DDX6: variants seen among roughly 807,000 people sequenced by gnomAD.
The protein encoded by DDX6 is probable ATP-dependent RNA helicase DDX6.
Under a neutral mutation model 60.6 loss-of-function variants are expected in DDX6, and 7 were observed. The ratio of observed to expected loss-of-function variants is 0.12; its 90% CI spans 0.07 to 0.22. The LOEUF (loss-of-function observed/expected upper bound fraction) is 0.22. Ranked by LOEUF, DDX6 falls within the 10% of genes least tolerant of loss-of-function variation. The probability of loss-of-function intolerance (pLI) is 1.00; values close to 1 mark genes in which losing one functional copy is unlikely to be tolerated. For missense variants in DDX6, 270 were observed against 589.9 expected (o/e 0.46, Z 5.62); for synonymous variants, 207 against 201.0 (o/e 1.03, Z -0.25).
intron 4 of DDX6, among the ~76,000 whole-genome samples, chr11:118,776,699 G>T (rs1555163666): frequency 6.6e-6 from 1 of 151,998 alleles, no homozygotes; most frequent in African/African-American, 2.4e-5. Flanking sequence ...CGGGTGCTGT[G>T]GTGCACGCCT....
At chr11:118,762,906 AT>A (rs1435975766) in intron 7 of DDX6, among the ~76,000 whole-genome samples, 67 of 152,360 alleles carry the variant, frequency 4.4e-4, no homozygotes, top group Non-Finnish European at 2.2e-4. Flanking sequence ...GCTTTTAAAA[AT>A]TAATCACAGA....
At chr11:118,753,749 G>A (rs1267615375) in intron 13 of DDX6, among the ~76,000 whole-genome samples, 1 of 152,102 alleles carries the variant, frequency 6.6e-6, no homozygotes, top group Non-Finnish European at 1.5e-5. Flanking sequence ...TAGAAATTAA[G>A]AGTAAATGCT....
intron 1 of DDX6, chr11:118,788,987 TTA>T (rs1455078036): frequency 1.3e-5 from 2 of 152,104 alleles, no homozygotes; most frequent in African/African-American, 4.8e-5. Context: ...GGCTGAAATC[TTA>T]CTTTTAATTG....
At position 118,758,837 on chromosome 11, in the gene DDX6, G is replaced by A. The variant is rs782361531; in HGVS notation, c.930C>T (p.Thr310=). Residue 310 remains threonine (T), a synonymous_variant, in exon 9 of 14, where the codon ACC becomes ACT. Coordinates refer to ENST00000534980, the MANE Select transcript of DDX6 (RefSeq NM_004397.6). Reference sequence around the variant, plus strand: ...GCTCAGTTACATATGCGTAGTACTGGGTTACTCCCTTCAGAGTTAGTTCCT... The same window carrying A: ...GCTCAGTTACATATGCGTAGTACTGAGTTACTCCCTTCAGAGTTAGTTCCT... ...LMEELTLKGV[T]QYYAYVTERQ... 13 of 1,613,794 alleles carry A rather than the reference G, an allele frequency of 8.1e-6. No homozygotes were observed. The highest frequency in any genetic ancestry group is 1.1e-5 in the Non-Finnish European group (13 of 1,179,806).
At chr11:118,782,916 C>T (rs140586560) in intron 2 of DDX6, among the ~76,000 whole-genome samples, 2 of 152,184 alleles carry the variant, frequency 1.3e-5, no homozygotes, top group African/African-American at 4.8e-5. Flanking sequence ...AGGCGTGAGC[C>T]ACCTCACCCG....
intron 4 of DDX6, among the ~76,000 whole-genome samples, chr11:118,770,457 T>A (rs1165363796): frequency 6.6e-6 from 1 of 152,196 alleles, no homozygotes; most frequent in Admixed American, 6.5e-5. Flanking sequence ...CCTTTAAAGC[T>A]GCTATTGGTA....
In DDX6 at chr11:118,771,751, G is replaced by C. The variant is rs1591909058; in HGVS notation, c.370-3399C>G. Among the ~76,000 whole-genome samples the C allele has an allele frequency of 3.9e-5, 6 of 152,342 alleles. 1 individual carries two copies. The South Asian group carries it at 1.2e-3, about 32-fold the overall frequency. On this transcript the variant is annotated intron_variant, in intron 4 of 13. Coordinates refer to ENST00000534980, the MANE Select transcript of DDX6 (RefSeq NM_004397.6). ...GGATTAGTTTGCCCAAGGTCACAAA[G>C]CAAGAAATGCTTTAGCCAGTATTTG...
chr11:118,789,964 G>C (rs541461232), intron 1 of DDX6: 1 of 152,262 alleles, frequency 6.6e-6, no homozygotes, highest in African/African-American at 2.4e-5. Flanking sequence ...AAGAAACGTA[G>C]ACTAGTTGGG....
chr11:118,778,408 C>G (rs1488859382), intron 4 of DDX6, among the ~76,000 whole-genome samples: 1 of 152,100 alleles, frequency 6.6e-6, no homozygotes, highest in Admixed American at 6.6e-5. Context: ...CCTTTAGCAT[C>G]CCCCCATTGA....
chr11:118,772,398 C>CA (rs1363761865), intron 4 of DDX6, among the ~76,000 whole-genome samples: 3 of 151,438 alleles, frequency 2.0e-5, no homozygotes, highest in East Asian at 1.9e-4. Context: ...AAGCCAGTCA[C>CA]AAAAAAAACA....
At chr11:118,790,223 A>G (rs1784295) in intron 1 of DDX6, 130,855 of 151,996 alleles carry the variant, frequency 0.86, 56,547 homozygotes, top group East Asian at 1. Flanking sequence ...CGTAACTGAA[A>G]GGAAATTTCT....
In DDX6 at chr11:118,765,752, C is replaced by T. The variant is rs575308990; in HGVS notation, c.500-397G>A. 7.4e-5 allele frequency among the ~76,000 whole-genome samples: 11 copies of T among 148,096 alleles called. No homozygotes were observed. In the South Asian group the frequency reaches 2.4e-3, roughly 32 times the overall value. On this transcript the variant is annotated intron_variant, in intron 5 of 13. Coordinates refer to ENST00000534980, the MANE Select transcript of DDX6 (RefSeq NM_004397.6). ...TCGCGCCACTGCACTCCAGCCTGGG[C>T]GACAGAGTGAGACTCAGTCTCAAAA...
rs1409107695 is a variant in DDX6 at position 118,748,623 on chromosome 11, TAGA to T, written c.*3479_*3481del. 9 of 152,322 alleles carry T rather than the reference TAGA, an allele frequency of 5.9e-5. No homozygotes were observed. The South Asian group carries it at 1.0e-3, about 18-fold the overall frequency. 9.4% of individuals were successfully genotyped at this position (152,322 alleles called of 1,614,324 possible). On this transcript the variant is annotated 3_prime_UTR_variant, in exon 14 of 14. Coordinates refer to ENST00000534980, the MANE Select transcript of DDX6 (RefSeq NM_004397.6). ...TTATTTCATTTTTTTGTTACTCATC[TAGA>T]AGGTCAGGAGTGTGGCTAAAGGCAG...
chr11:118,754,736 C>G lies in DDX6; in HGVS notation c.1428G>C (p.Glu476Asp). The change falls in exon 13 of 14, where the codon GAG (glutamate) becomes GAC (aspartate). Residue 476 changes from glutamate to aspartate, a missense_variant. Transcript: ENST00000534980. The part of the protein sequence containing the change: ...KSLYVAEYHS[E>D]PVEDEKP ...GTTAAGGTTTCTCATCTTCTACAGG[C>G]TCGCTGTGGTATTCTGCCACATACA... 1 of 1,611,788 alleles carries G rather than the reference C, an allele frequency of 6.2e-7. No homozygotes were observed. The highest frequency in any genetic ancestry group is 8.5e-7 in the Non-Finnish European group (1 of 1,179,300).
chr11:118,781,283 G>A (rs782102756), intron 2 of DDX6, 99 bp from the exon 3 acceptor site: 5 of 712,476 alleles, frequency 7.0e-6, no homozygotes, highest in African/African-American at 3.6e-5. Context: ...AGCACAGTAA[G>A]TTTAATATAT....
chr11:118,762,305 AC>A (rs1861202690), intron 7 of DDX6, among the ~76,000 whole-genome samples: 3 of 144,820 alleles, frequency 2.1e-5, no homozygotes, highest in East Asian at 2.0e-4. Flanking sequence ...ATAATAATAA[AC>A]CTCAACCCAA....
chr11:118,771,380 C>A (rs536562861), intron 4 of DDX6, among the ~76,000 whole-genome samples: 2 of 152,186 alleles, frequency 1.3e-5, no homozygotes, highest in African/African-American at 4.8e-5. Flanking sequence ...GGGATTATAC[C>A]CTACAAAAAC....
intron 11 of DDX6, 139 bp from the exon 12 acceptor site, chr11:118,755,642 C>T (rs1363532740): frequency 5.2e-6 from 3 of 579,946 alleles, no homozygotes; most frequent in Admixed American, 3.0e-5. Flanking sequence ...ACTGGCATTA[C>T]CTTTCATAAT....
intron 7 of DDX6, among the ~76,000 whole-genome samples, chr11:118,761,136 G>A (rs1861152191): frequency 6.6e-6 from 1 of 151,680 alleles, no homozygotes; most frequent in Non-Finnish European, 1.5e-5. Flanking sequence ...GCAAGACTCT[G>A]TCTCAAAAAA....
Sources: gnomAD v4.1 joint callset for allele counts (sites outside exome capture counted in the v4.1 genomes callset) on GRCh38, gnomAD v4.1.1 for gene constraint, MANE v1.5 for transcripts, NCBI Gene and HGNC (gene_info 2026-07-23, HGNC 2026-07-21) for gene names.